Variants in BTG4 observed in about 807,000 individuals in gnomAD.
BTG4 encodes the protein protein BTG4.
Under a neutral mutation model 19.3 loss-of-function variants are expected in BTG4, and 10 were observed. That is an observed-to-expected ratio of 0.52 (90% CI 0.32 to 0.88). BTG4 has a LOEUF of 0.88. Ranked by LOEUF, BTG4 falls within the 40% of genes least tolerant of loss-of-function variation. The pLI, the probability that BTG4 is intolerant of heterozygous loss-of-function variation, is 0.04. For synonymous variants in BTG4, 91 were observed against 95.7 expected (o/e 0.95, Z 0.29); for missense variants, 238 against 281.9 (o/e 0.84, Z 1.11).
At chr11:111,514,504 A>C, upstream of BTG4, 1 of 415,798 alleles carries the variant, frequency 2.4e-6, no homozygotes, top group East Asian at 5.1e-5. Context: ...CCCACTGAGG[A>C]TATAAGAAGC....
At chr11:111,489,271 G>C (rs1313511621) in intron 5 of BTG4, among the ~76,000 whole-genome samples, 1 of 152,102 alleles carries the variant, frequency 6.6e-6, no homozygotes, top group Admixed American at 6.5e-5. Context: ...GCATCAAAAA[G>C]ACAAGTAATA....
chr11:111,394,314 C>T, the BTG4 span, among the ~76,000 whole-genome samples: 1 of 152,194 alleles, frequency 6.6e-6, no homozygotes, highest in African/African-American at 2.4e-5. Flanking sequence ...AATTGTAGCT[C>T]CCATAATTCC....
At chr11:111,394,132 C>A in the BTG4 span, among the ~76,000 whole-genome samples, 1 of 152,196 alleles carries the variant, frequency 6.6e-6, no homozygotes, top group Non-Finnish European at 1.5e-5. Context: ...AAGCACTGAA[C>A]AAGAGAGAGC....
intron 1 of BTG4, among the ~76,000 whole-genome samples, chr11:111,508,691 T>C (rs891669784): frequency 6.6e-6 from 1 of 151,242 alleles, no homozygotes; most frequent in Non-Finnish European, 1.5e-5. Context: ...TAATGAAGTT[T>C]GTATTAGTCA....
the BTG4 span, among the ~76,000 whole-genome samples, chr11:111,424,145 C>G: frequency 1.2e-3 from 187 of 152,342 alleles, no homozygotes; most frequent in African/African-American, 4.4e-3. Flanking sequence ...GCTAGAGAAA[C>G]ACTAAAGGCC....
the BTG4 span, among the ~76,000 whole-genome samples, chr11:111,406,211 A>C: frequency 1.3e-5 from 2 of 152,232 alleles, no homozygotes; most frequent in Non-Finnish European, 2.9e-5. Context: ...AACTGGGCTC[A>C]AGTGATCATT....
intron 5 of BTG4, among the ~76,000 whole-genome samples, chr11:111,482,776 A>T (rs1864819003): frequency 6.6e-6 from 1 of 152,094 alleles, no homozygotes; most frequent in Admixed American, 6.6e-5. Flanking sequence ...TAAGTCTGGT[A>T]TCTCATACAA....
At chr11:111,451,741 G>A in the BTG4 span, among the ~76,000 whole-genome samples, 1 of 152,144 alleles carries the variant, frequency 6.6e-6, no homozygotes. Flanking sequence ...TCCAGCCTGG[G>A]CAACAAGAGT....
At chr11:111,485,972 A>G (rs564377823) in intron 5 of BTG4, among the ~76,000 whole-genome samples, 1 of 152,324 alleles carries the variant, frequency 6.6e-6, no homozygotes, top group East Asian at 1.9e-4. Context: ...CTATGCATCA[A>G]TAAATTGGAA....
At chr11:111,450,212 CT>C in the BTG4 span, 3 of 152,406 alleles carry the variant, frequency 2.0e-5, no homozygotes, top group African/African-American at 7.2e-5. Flanking sequence ...CCCCACCTCC[CT>C]TGTGTCCTTT....
chr11:111,495,255 C>T lies in BTG4; in HGVS notation c.570G>A (p.Val190=), dbSNP rs756046366. Residue 190 remains valine, a synonymous_variant, in exon 5 of 5, where the codon GTG becomes GTA. Transcript: ENST00000692032. ...SWLQIPRKKN[V]VDGRVGLLGN... Reference sequence around the variant, plus strand: ...CCAGGAGGCCAACACGGCCGTCCACCACATTCTTTTTGCGGGGGATTTGTA... The same window carrying T: ...CCAGGAGGCCAACACGGCCGTCCACTACATTCTTTTTGCGGGGGATTTGTA... 13 of 1,611,502 alleles carry T rather than the reference C, an allele frequency of 8.1e-6. No homozygotes were observed. The highest frequency in any genetic ancestry group is 1.1e-5 in the South Asian group (1 of 90,536).
the BTG4 span, among the ~76,000 whole-genome samples, chr11:111,396,162 A>T: frequency 1.3e-5 from 2 of 152,232 alleles, no homozygotes; most frequent in South Asian, 2.1e-4. Context: ...GAACTCCTAC[A>T]TAAGAACAGA....
At chr11:111,514,655 C>A, upstream of BTG4, 1 of 705,868 alleles carries the variant, frequency 1.4e-6, no homozygotes, top group Non-Finnish European at 2.4e-6. Context: ...CGTGGCGGAT[C>A]CCAACACCTA....
the BTG4 span, among the ~76,000 whole-genome samples, chr11:111,429,352 C>T: frequency 6.6e-6 from 1 of 152,092 alleles, no homozygotes; most frequent in South Asian, 2.1e-4. Flanking sequence ...GTAACTGGCA[C>T]GTTACTCAAA....
chr11:111,510,567 G>A (rs1001029145), intron 1 of BTG4, among the ~76,000 whole-genome samples: 2 of 151,948 alleles, frequency 1.3e-5, no homozygotes, highest in Non-Finnish European at 2.9e-5. Flanking sequence ...GAACCATAAA[G>A]GGAATGAGAT....
At chr11:111,501,014 T>C (rs1313214436) in intron 1 of BTG4, among the ~76,000 whole-genome samples, 1 of 151,922 alleles carries the variant, frequency 6.6e-6, no homozygotes, top group Non-Finnish European at 1.5e-5. Flanking sequence ...GCCTGTGAAA[T>C]GGGAGGTACA....
chr11:111,445,469 G>T, the BTG4 span, among the ~76,000 whole-genome samples: 1 of 152,030 alleles, frequency 6.6e-6, no homozygotes, highest in Admixed American at 6.6e-5. Flanking sequence ...ATCTTTCATC[G>T]TGCCCTCCTT....
the BTG4 span, among the ~76,000 whole-genome samples, chr11:111,415,743 T>A: frequency 6.6e-6 from 1 of 152,002 alleles, no homozygotes; most frequent in Non-Finnish European, 1.5e-5. Flanking sequence ...GACCCACAGT[T>A]TAGAAATACA....
the BTG4 span, among the ~76,000 whole-genome samples, chr11:111,391,105 C>T: frequency 6.6e-6 from 1 of 152,124 alleles, no homozygotes; most frequent in Non-Finnish European, 1.5e-5. Context: ...GATAACAGTT[C>T]CTTTACTCTT....
Sources: allele counts gnomAD v4.1 joint callset (sites outside exome capture counted in the v4.1 genomes callset), GRCh38; gene constraint gnomAD v4.1.1; transcripts MANE v1.5; gene names NCBI Gene and HGNC (gene_info 2026-07-23, HGNC 2026-07-21).